Variants in HMG20A observed in about 807,000 individuals in gnomAD.
HMG20A encodes the protein high mobility group protein 20A.
Under a neutral mutation model 43.9 loss-of-function variants are expected in HMG20A, and 17 were observed. The observed-to-expected ratio is 0.39, with a 90% confidence interval of 0.27 to 0.58. The LOEUF is 0.58. Among genes scored for constraint, HMG20A ranks in the 20% least tolerant of loss-of-function variants. The pLI, the probability that HMG20A is intolerant of heterozygous loss-of-function variation, is 0.59. For missense variants in HMG20A, 341 were observed against 438.2 expected (o/e 0.78, Z 1.98); for synonymous variants, 132 against 147.5 (o/e 0.89, Z 0.76).
At chr15:77,471,965 T>A in intron 6 of HMG20A, 151 bp downstream of exon 6, 1 of 532,780 alleles carries the variant, frequency 1.9e-6, no homozygotes, top group Non-Finnish European at 3.2e-6. Context: ...TTGGGGGTTC[T>A]TAGCATATGG....
chr15:77,507,168 A>G, the HMG20A span, among the ~76,000 whole-genome samples: 13 of 152,304 alleles, frequency 8.5e-5, no homozygotes, highest in Middle Eastern at 3.4e-3. Context: ...AACTCACACC[A>G]TCAGCTTTTC....
the HMG20A span, among the ~76,000 whole-genome samples, chr15:77,491,681 C>G: frequency 6.6e-6 from 1 of 152,144 alleles, no homozygotes; most frequent in Non-Finnish European, 1.5e-5. Context: ...AGGAAAAATT[C>G]AGTGGTTTTG....
intron 9 of HMG20A, among the ~76,000 whole-genome samples, chr15:77,481,446 A>G (rs2072905165): frequency 6.6e-6 from 1 of 152,200 alleles, no homozygotes; most frequent in Admixed American, 6.5e-5. Context: ...GCTGGGAGAA[A>G]CAGTGTGGAA....
downstream of HMG20A, among the ~76,000 whole-genome samples, chr15:77,486,511 G>A (rs1450663444): frequency 2.0e-5 from 3 of 152,000 alleles, no homozygotes; most frequent in African/African-American, 4.8e-5. Context: ...CACCAGCCTC[G>A]GCCTCCCAAA....
downstream of HMG20A, among the ~76,000 whole-genome samples, chr15:77,489,832 A>C (rs565902544): frequency 6.6e-6 from 1 of 152,380 alleles, no homozygotes; most frequent in East Asian, 1.9e-4. Context: ...AGAGTAAACG[A>C]GAGGCAGAGT....
chr15:77,432,975 A>G (rs1172652681), intron 1 of HMG20A, among the ~76,000 whole-genome samples: 1 of 152,208 alleles, frequency 6.6e-6, no homozygotes, highest in Non-Finnish European at 1.5e-5. Flanking sequence ...GAAATGGACA[A>G]ATTGTTAAAT....
the HMG20A span, among the ~76,000 whole-genome samples, chr15:77,519,549 A>C: frequency 6.6e-6 from 1 of 152,138 alleles, no homozygotes; most frequent in African/African-American, 2.4e-5. Context: ...TGTCCTTATA[A>C]AAGAGGCTCA....
At chr15:77,508,349 C>T in the HMG20A span, among the ~76,000 whole-genome samples, 17 of 152,314 alleles carry the variant, frequency 1.1e-4, no homozygotes, top group African/African-American at 3.4e-4. Context: ...TTCGTTGCTT[C>T]TTGCAGGTAA....
chr15:77,466,832 C>G (rs1432772549), intron 3 of HMG20A, among the ~76,000 whole-genome samples: 1 of 152,126 alleles, frequency 6.6e-6, no homozygotes, highest in Admixed American at 6.6e-5. Flanking sequence ...TTGAGATTAG[C>G]ACAAAAATAG....
chr15:77,513,549 T>C, the HMG20A span, among the ~76,000 whole-genome samples: 1 of 152,162 alleles, frequency 6.6e-6, no homozygotes, highest in African/African-American at 2.4e-5. Context: ...CGGCTGGAAG[T>C]CCAAGATCAA....
chr15:77,491,740 C>T, the HMG20A span, among the ~76,000 whole-genome samples: 1 of 152,034 alleles, frequency 6.6e-6, no homozygotes, highest in Non-Finnish European at 1.5e-5. Context: ...TTGAGCTGGG[C>T]CTTAGAAAAA....
chr15:77,460,695 C>G (rs920384763), intron 2 of HMG20A, among the ~76,000 whole-genome samples: 5 of 151,992 alleles, frequency 3.3e-5, no homozygotes, highest in Non-Finnish European at 7.4e-5. Context: ...ATTTAAAAGT[C>G]AGACAGAGGC....
the HMG20A span, among the ~76,000 whole-genome samples, chr15:77,515,336 C>G: frequency 6.6e-6 from 1 of 152,012 alleles, no homozygotes; most frequent in African/African-American, 2.4e-5. Context: ...TCCAAGTGTT[C>G]AAGAGAGGGT....
chr15:77,454,756 G>C (rs1359742822), intron 1 of HMG20A, among the ~76,000 whole-genome samples: 1 of 152,182 alleles, frequency 6.6e-6, no homozygotes, highest in East Asian at 1.9e-4. Flanking sequence ...GCTGGACAGA[G>C]AAGGGAAAAT....
intron 3 of HMG20A, among the ~76,000 whole-genome samples, chr15:77,465,597 G>A (rs938207934): frequency 6.6e-6 from 1 of 152,098 alleles, no homozygotes; most frequent in African/African-American, 2.4e-5. Flanking sequence ...GTTTCTCCGT[G>A]TTGACCAGGC....
the HMG20A span, among the ~76,000 whole-genome samples, chr15:77,494,768 TAA>T: frequency 6.6e-6 from 1 of 152,034 alleles, no homozygotes; most frequent in African/African-American, 2.4e-5. Flanking sequence ...GCTAACAACA[TAA>T]AAAAAGATAT....
intron 1 of HMG20A, among the ~76,000 whole-genome samples, chr15:77,443,962 C>T (rs1036114191): frequency 1.3e-5 from 2 of 152,216 alleles, no homozygotes; most frequent in Admixed American, 6.5e-5. Context: ...TCACCTGCCT[C>T]AGCCTCCCAA....
chr15:77,480,411 G>C (rs1262450141), intron 9 of HMG20A, among the ~76,000 whole-genome samples: 1 of 151,848 alleles, frequency 6.6e-6, no homozygotes, highest in Non-Finnish European at 1.5e-5. Flanking sequence ...AGGAGTTCAA[G>C]ACCAGCTTGG....
chr15:77,430,745 T>C (rs954557964), intron 1 of HMG20A, among the ~76,000 whole-genome samples: 2 of 152,188 alleles, frequency 1.3e-5, no homozygotes, highest in Admixed American at 1.3e-4. Context: ...CCTCACAGTG[T>C]TTGCTAGGCA....
Sources: allele counts gnomAD v4.1 joint callset (sites outside exome capture counted in the v4.1 genomes callset), GRCh38; gene constraint gnomAD v4.1.1; transcripts MANE v1.5; gene names NCBI Gene and HGNC (gene_info 2026-07-23, HGNC 2026-07-21).